The following ASIC2 variants were observed in gnomAD, a reference collection of about 807,000 sequenced individuals.
The protein encoded by ASIC2 is acid sensing ion channel subunit 2.
In ASIC2, 25 loss-of-function variants were observed where a neutral mutation model predicts 57.3. That is an observed-to-expected ratio of 0.44 (90% CI 0.32 to 0.61). The LOEUF (loss-of-function observed/expected upper bound fraction) is 0.61, where lower values mean the gene tolerates loss of function less well. Ranked by LOEUF, ASIC2 falls within the 20% of genes least tolerant of loss-of-function variation. The pLI, the probability that ASIC2 is intolerant of heterozygous loss-of-function variation, is 0.06. For missense variants in ASIC2, 641 were observed against 738.1 expected (o/e 0.87, Z 1.52); for synonymous variants, 319 against 307.5 (o/e 1.04, Z -0.39).
intron 1 of ASIC2, among the ~76,000 whole-genome samples, chr17:33,249,535 C>G (rs1908810973): frequency 6.6e-6 from 1 of 152,094 alleles, no homozygotes; most frequent in Non-Finnish European, 1.5e-5. Flanking sequence ...GGAGTGAGCC[C>G]TGAGACAAAA....
chr17:34,144,200 T>G (rs1912352672), intron 1 of ASIC2, among the ~76,000 whole-genome samples: 1 of 152,228 alleles, frequency 6.6e-6, no homozygotes, highest in Non-Finnish European at 1.5e-5. Flanking sequence ...AAATGAAGTA[T>G]TCCATGTAAA....
intron 1 of ASIC2, among the ~76,000 whole-genome samples, chr17:33,879,882 C>G (rs1914656382): frequency 6.6e-6 from 1 of 152,150 alleles, no homozygotes; most frequent in Non-Finnish European, 1.5e-5. Context: ...AAATGTAAAA[C>G]AACAGAAATT....
Position 33,685,154 on chromosome 17 carries a change from C to T in ASIC2, c.555+470824G>A, listed in dbSNP as rs112204497. ...CACTGAGAGGAGAGACGTGTACACA[C>T]GGATGGAGGTCAGATTTCCCCCCTC... is the stretch of plus-strand genomic sequence containing the variant. On this transcript the variant is annotated intron_variant, in intron 1 of 9. Coordinates refer to the ASIC2 transcript ENST00000359872. Among the ~76,000 whole-genome samples the T allele has an allele frequency of 2.0e-3, 297 of 152,274 alleles. 1 individual carries two copies. The highest frequency in any genetic ancestry group is 6.6e-3 in the African/African-American group (275 of 41,536).
At position 33,945,784 on chromosome 17, in the gene ASIC2, G is replaced by A. The variant is rs145332811; in HGVS notation, c.555+210194C>T. ...AAAATACATCAATCCACTTTCCAAC[G>A]ATTTGCTTGCATCCAGAGCCAGCTT... On this transcript the variant is annotated intron_variant, in intron 1 of 9. Transcript: ENST00000359872. Among the ~76,000 whole-genome samples, 737 of 152,260 alleles carry A rather than the reference G, an allele frequency of 4.8e-3. 12 individuals are homozygous for A. Among genetic ancestry groups the A allele is most frequent in the African/African-American group, 0.017 (686 of 41,552 alleles).
intron 1 of ASIC2, among the ~76,000 whole-genome samples, chr17:33,712,836 G>A (rs1353451466): frequency 2.0e-5 from 3 of 151,098 alleles, no homozygotes; most frequent in African/African-American, 7.3e-5. Context: ...TAGTAGAGAC[G>A]GGGTTTCACC....
At chr17:33,131,952 G>C (rs17781501) in intron 1 of ASIC2, among the ~76,000 whole-genome samples, 1 of 152,038 alleles carries the variant, frequency 6.6e-6, no homozygotes, top group Non-Finnish European at 1.5e-5. Flanking sequence ...AATGGGGCCA[G>C]ATACAATCAT....
intron 1 of ASIC2, among the ~76,000 whole-genome samples, chr17:33,852,700 A>G (rs905977509): frequency 1.6e-4 from 25 of 152,148 alleles, no homozygotes; most frequent in Non-Finnish European, 2.9e-4. Context: ...CTTGATAAGG[A>G]CACTGTTTCT....
At chr17:33,566,721 C>T (rs952388635) in intron 1 of ASIC2, among the ~76,000 whole-genome samples, 1 of 152,176 alleles carries the variant, frequency 6.6e-6, no homozygotes, top group South Asian at 2.1e-4. Flanking sequence ...CCCTTTGCCA[C>T]CCACTCCTTG....
At chr17:33,503,081 C>T (rs1331879142) in intron 1 of ASIC2, among the ~76,000 whole-genome samples, 2 of 152,188 alleles carry the variant, frequency 1.3e-5, no homozygotes, top group African/African-American at 4.8e-5. Flanking sequence ...TCAGCTTTCC[C>T]ATGAGCAACC....
intron 1 of ASIC2, among the ~76,000 whole-genome samples, chr17:33,310,412 G>C (rs1906362143): frequency 6.6e-6 from 1 of 152,130 alleles, no homozygotes; most frequent in South Asian, 2.1e-4. Context: ...CATCTAGGCT[G>C]ATCATTAACC....
intron 1 of ASIC2, chr17:34,071,367 C>T (rs1909393044): frequency 6.6e-6 from 1 of 152,176 alleles, no homozygotes; most frequent in Non-Finnish European, 1.5e-5. Flanking sequence ...TAGTCCAACA[C>T]ATCCACTTCT....
At chr17:33,177,238 T>C (rs1258713987) in intron 1 of ASIC2, among the ~76,000 whole-genome samples, 3 of 152,124 alleles carry the variant, frequency 2.0e-5, no homozygotes, top group African/African-American at 7.2e-5. Flanking sequence ...ATCCAACTCA[T>C]TGAAAACCAA....
intron 1 of ASIC2, among the ~76,000 whole-genome samples, chr17:33,665,680 T>C (rs574478952): frequency 1.3e-5 from 2 of 152,330 alleles, no homozygotes; most frequent in Admixed American, 6.5e-5. Flanking sequence ...AATCCAAGTA[T>C]ATTTTCCAAG....
intron 9 of ASIC2, among the ~76,000 whole-genome samples, chr17:33,014,533 A>G (rs1378806917): frequency 6.6e-6 from 1 of 151,930 alleles, no homozygotes; most frequent in African/African-American, 2.4e-5. Flanking sequence ...AGCTGGTCAG[A>G]GCTGCCCCAA....
chr17:33,376,809 A>G (rs1199800026), intron 1 of ASIC2, among the ~76,000 whole-genome samples: 1 of 151,844 alleles, frequency 6.6e-6, no homozygotes, highest in South Asian at 2.1e-4. Context: ...TTACATTATC[A>G]TCATCATCAT....
chr17:33,216,648 T>C (rs1046017692), intron 1 of ASIC2, among the ~76,000 whole-genome samples: 2 of 152,164 alleles, frequency 1.3e-5, no homozygotes, highest in African/African-American at 4.8e-5. Context: ...GGTGCTATGC[T>C]TGGGGGAGGA....
rs1916565005 is a variant in ASIC2, at chr17:33,574,845, G to A, written c.556-462778C>T. 9.9e-5 allele frequency among the ~76,000 whole-genome samples: 12 copies of A among 121,780 alleles called. No individual in the cohort carries two copies. In the Admixed American group the frequency reaches 1.0e-3, roughly 10 times the overall value. The allele number at this position is 121,780 out of a possible 152,430, so 79.9% of individuals were successfully genotyped here. A position where few individuals can be genotyped will look rare whatever the true frequency, so the allele number is the denominator to read the frequency against. ...TGAAGAGCTAGTTTGGGTGGTCTCTGTTTCTATTTTTTTTTTTTTTGCTGC... is the reference window on the plus strand; with the variant it reads ...TGAAGAGCTAGTTTGGGTGGTCTCTATTTCTATTTTTTTTTTTTTTGCTGC... On this transcript the variant is annotated intron_variant, in intron 1 of 9. Coordinates refer to the ASIC2 transcript ENST00000359872.
intron 1 of ASIC2, among the ~76,000 whole-genome samples, chr17:33,698,870 T>C (rs1046502929): frequency 1.3e-5 from 2 of 152,080 alleles, no homozygotes; most frequent in Non-Finnish European, 2.9e-5. Flanking sequence ...CAGTTTGGAT[T>C]CATTACAGAG....
intron 1 of ASIC2, among the ~76,000 whole-genome samples, chr17:33,555,301 G>A (rs1597782844): frequency 1.3e-5 from 2 of 152,284 alleles, no homozygotes; most frequent in Middle Eastern, 3.4e-3. Context: ...TGTAGACGGA[G>A]TAGTCCAAAT....
Sources: gnomAD v4.1 joint callset for allele counts (sites outside exome capture counted in the v4.1 genomes callset) on GRCh38, gnomAD v4.1.1 for gene constraint, MANE v1.5 for transcripts, NCBI Gene and HGNC (gene_info 2026-07-23, HGNC 2026-07-21) for gene names.